Variants in EPHA3 observed in about 807,000 individuals in gnomAD.
EPHA3 encodes EPH receptor A3.
In EPHA3, 42 loss-of-function variants were observed where a neutral mutation model predicts 107.1. The observed-to-expected ratio is 0.39, with a 90% confidence interval of 0.31 to 0.51. EPHA3 has a LOEUF of 0.51. EPHA3 is among the 20% of genes least tolerant of loss of function. EPHA3 has a pLI of 0.78. For synonymous variants in EPHA3, 461 were observed against 424.8 expected, an observed-to-expected ratio of 1.09 and a Z score of -1.05; for missense variants, 1,183 against 1,211.2, an observed-to-expected ratio of 0.98 and a Z score of 0.35.
chr3:89,401,533 T>C (rs1457592559), intron 7 of EPHA3, among the ~76,000 whole-genome samples: 2 of 152,244 alleles, frequency 1.3e-5, no homozygotes, highest in East Asian at 1.9e-4. Context: ...TTAGTACTTC[T>C]AAGACTTTTT....
At chr3:89,440,263 C>T (rs1709758517) in intron 13 of EPHA3, among the ~76,000 whole-genome samples, 1 of 152,136 alleles carries the variant, frequency 6.6e-6, no homozygotes, top group Non-Finnish European at 1.5e-5. Flanking sequence ...ACCTGAGAAG[C>T]TAATATTTCC....
intron 2 of EPHA3, among the ~76,000 whole-genome samples, chr3:89,205,347 T>C (rs1320026714): frequency 1.3e-5 from 2 of 152,186 alleles, no homozygotes; most frequent in Admixed American, 1.3e-4. Flanking sequence ...AAAATATATG[T>C]TTCCCTCAAA....
At chr3:89,295,108 G>A (rs758522664) in intron 3 of EPHA3, among the ~76,000 whole-genome samples, 13 of 152,022 alleles carry the variant, frequency 8.6e-5, no homozygotes, top group Non-Finnish European at 1.6e-4. Context: ...CCAGACTATA[G>A]CAATAAAGCT....
intron 5 of EPHA3, among the ~76,000 whole-genome samples, chr3:89,372,288 C>T (rs1218366360): frequency 6.6e-6 from 1 of 151,550 alleles, no homozygotes; most frequent in Non-Finnish European, 1.5e-5. Flanking sequence ...ATTGAAGAGG[C>T]TTCATATACA....
At position 89,281,647 on chromosome 3, in the gene EPHA3, T is replaced by A. The variant is rs12630860; in HGVS notation, c.815-59269T>A. Among the ~76,000 whole-genome samples the A allele has an allele frequency of 2.3e-3, 350 of 152,320 alleles. 9 individuals carry two copies. In the East Asian group the frequency reaches 0.06, roughly 26 times the overall value. ...AAATATTAAAATAAGTAATTTTATT[T>A]AAAAAGTAATGTTTTCAAGATGTTC... On this transcript the variant is annotated intron_variant, in intron 3 of 16. Coordinates refer to ENST00000336596, the MANE Select transcript of EPHA3 (RefSeq NM_005233.6).
At chr3:89,184,032 T>C (rs1705504344) in intron 2 of EPHA3, among the ~76,000 whole-genome samples, 1 of 151,968 alleles carries the variant, frequency 6.6e-6, no homozygotes, top group Admixed American at 6.6e-5. Flanking sequence ...AGGTTTGACC[T>C]TTTCCTTTAA....
At chr3:89,109,585 T>C (rs1430992888) in intron 1 of EPHA3, among the ~76,000 whole-genome samples, 1 of 151,712 alleles carries the variant, frequency 6.6e-6, no homozygotes, top group African/African-American at 2.4e-5. Flanking sequence ...TTAAGTAAAC[T>C]GCAAGAGAAA....
intron 7 of EPHA3, among the ~76,000 whole-genome samples, chr3:89,406,941 C>T (rs1380980425): frequency 1.3e-5 from 2 of 152,106 alleles, no homozygotes; most frequent in Non-Finnish European, 2.9e-5. Flanking sequence ...ACTTCTGGTT[C>T]ATTCAACGAG....
intron 15 of EPHA3, among the ~76,000 whole-genome samples, chr3:89,451,468 A>T (rs1709988169): frequency 6.6e-6 from 1 of 152,198 alleles, no homozygotes; most frequent in Non-Finnish European, 1.5e-5. Context: ...CATTTTGATA[A>T]TGCATTCTCT....
chr3:89,480,101 T>A lies in EPHA3; in HGVS notation c.*599T>A, dbSNP rs536740562. The A allele has an allele frequency of 4.3e-6, 1 of 232,904 alleles. No homozygotes were observed. Among genetic ancestry groups the A allele is most frequent in the South Asian group, 1.8e-4 (1 of 5,524 alleles). 14.4% of individuals were successfully genotyped at this position (232,904 alleles called of 1,614,324 possible). A position where few individuals can be genotyped will look rare whatever the true frequency, so the allele number is the denominator to read the frequency against. ...ATTGTTAGCTTCCTTAAGTATATCA[T>A]GTAAAGAAATGTCTTAATTTTTGAA... is the stretch of plus-strand genomic sequence containing the variant. On this transcript the variant is annotated 3_prime_UTR_variant, in exon 17 of 17. Coordinates refer to ENST00000336596, the MANE Select transcript of EPHA3 (RefSeq NM_005233.6).
chr3:89,340,180 C>A (rs1389889984), intron 3 of EPHA3, among the ~76,000 whole-genome samples: 1 of 152,020 alleles, frequency 6.6e-6, no homozygotes, highest in Non-Finnish European at 1.5e-5. Context: ...CTTACAAAAA[C>A]CATTTTATGC....
At chr3:89,139,754 T>C (rs1704388715) in intron 2 of EPHA3, among the ~76,000 whole-genome samples, 2 of 151,782 alleles carry the variant, frequency 1.3e-5, no homozygotes, top group Non-Finnish European at 2.9e-5. Flanking sequence ...GAAGGTCACG[T>C]CATTACCTTC....
At chr3:89,420,005 A>T (rs1042514366) in intron 11 of EPHA3, among the ~76,000 whole-genome samples, 1 of 151,396 alleles carries the variant, frequency 6.6e-6, no homozygotes, top group Non-Finnish European at 1.5e-5. Context: ...AGAGATGTGA[A>T]CTTATTTCCA....
Position 89,399,727 on chromosome 3 carries a change from T to G in EPHA3, c.1594+247T>G, listed in dbSNP as rs1409408338. Reference sequence around the variant, plus strand: ...TATTCTAATGCCTGAAATGCTTCTGTTTTTTTTTTTTAGCCATAAATTGCT... The same window carrying G: ...TATTCTAATGCCTGAAATGCTTCTGGTTTTTTTTTTTAGCCATAAATTGCT... On this transcript the variant is annotated intron_variant, in intron 7 of 16. Coordinates refer to ENST00000336596, the MANE Select transcript of EPHA3 (RefSeq NM_005233.6). 3.4e-5 allele frequency: 22 copies of G among 642,918 alleles called. No homozygotes were observed. The South Asian group carries it at 5.9e-4, about 17-fold the overall frequency. The allele number at this position is 642,918 out of a possible 1,614,324, so 39.8% of individuals were successfully genotyped here.
At chr3:89,126,272 T>C (rs1345332525) in intron 1 of EPHA3, among the ~76,000 whole-genome samples, 3 of 151,738 alleles carry the variant, frequency 2.0e-5, no homozygotes, top group Non-Finnish European at 4.4e-5. Context: ...TTTTCTAATT[T>C]AGGAGAAAGA....
intron 15 of EPHA3, among the ~76,000 whole-genome samples, chr3:89,451,370 T>C (rs1410024292): frequency 1.3e-5 from 2 of 152,206 alleles, no homozygotes; most frequent in African/African-American, 4.8e-5. Context: ...TTAATATATT[T>C]GGTGCCTCTC....
chr3:89,457,376 C>T (rs1710118932), intron 15 of EPHA3, among the ~76,000 whole-genome samples: 1 of 152,198 alleles, frequency 6.6e-6, no homozygotes, highest in Non-Finnish European at 1.5e-5. Flanking sequence ...GGCTGGTGAG[C>T]ATTACCGCCT....
intron 3 of EPHA3, among the ~76,000 whole-genome samples, chr3:89,303,101 G>T (rs1004030891): frequency 6.6e-6 from 1 of 151,948 alleles, no homozygotes; most frequent in Non-Finnish European, 1.5e-5. Context: ...TCACCATGTT[G>T]CCCATGTTGG....
At chr3:89,200,208 A>G (rs1705938766) in intron 2 of EPHA3, among the ~76,000 whole-genome samples, 2 of 152,240 alleles carry the variant, frequency 1.3e-5, no homozygotes, top group Admixed American at 1.3e-4. Context: ...TCTACATTGG[A>G]CATTATTTCA....
Sources: allele counts gnomAD v4.1 joint callset (sites outside exome capture counted in the v4.1 genomes callset), GRCh38; gene constraint gnomAD v4.1.1; transcripts MANE v1.5; gene names NCBI Gene and HGNC (gene_info 2026-07-23, HGNC 2026-07-21).